Variants in RBKS observed in about 807,000 individuals in gnomAD.
RBKS encodes the protein ribokinase.
RBKS carries 33 observed loss-of-function variants against 33.9 expected under a neutral mutation model. The ratio of observed to expected loss-of-function variants is 0.97; its 90% confidence interval spans 0.74 to 1.30. The LOEUF (loss-of-function observed/expected upper bound fraction) is 1.30, where lower values mean the gene tolerates loss of function less well. RBKS is among the 50% of genes most tolerant of loss of function. The pLI, the probability that RBKS is intolerant of heterozygous loss-of-function variation, is 0.00. For missense variants in RBKS, 361 were observed against 392.6 expected, an observed-to-expected ratio of 0.92 and a Z score of 0.68; for synonymous variants, 125 against 143.0, an observed-to-expected ratio of 0.87 and a Z score of 0.90.
At chr2:27,855,225 T>C (rs1049998642) in intron 2 of RBKS, among the ~76,000 whole-genome samples, 1 of 152,242 alleles carries the variant, frequency 6.6e-6, no homozygotes, top group African/African-American at 2.4e-5. Flanking sequence ...GATAGCTACC[T>C]GTATTAGAGA....
At chr2:27,793,864 GGATGATATT>G (rs989204347) in intron 7 of RBKS, among the ~76,000 whole-genome samples, 15 of 151,994 alleles carry the variant, frequency 9.9e-5, no homozygotes, top group African/African-American at 3.6e-4. Flanking sequence ...ATAGAAAAAA[GGATGATATT>G]GATGTATTTT....
rs541197719 is a variant in RBKS, at chr2:27,824,656, C to T, written c.795+2911G>A. ...ACACTGGGTTCTTTCCAATTTTTGG[C>T]TATTATGAATAATGCTGCTATGAAC... is the stretch of plus-strand genomic sequence containing the variant. On this transcript the variant is annotated intron_variant, in intron 7 of 7. Coordinates refer to ENST00000302188, the MANE Select transcript of RBKS (RefSeq NM_022128.3). Among the ~76,000 whole-genome samples, 13 of 152,286 alleles carry T rather than the reference C, an allele frequency of 8.5e-5. No individual in the cohort carries two copies. In the South Asian group the frequency reaches 2.7e-3, roughly 32 times the overall value.
chr2:27,857,087 A>G (rs1318987543), intron 2 of RBKS, among the ~76,000 whole-genome samples: 1 of 152,256 alleles, frequency 6.6e-6, no homozygotes, highest in Non-Finnish European at 1.5e-5. Context: ...ATTACAGTTT[A>G]CTAGCAGATG....
intron 6 of RBKS, 52 bp downstream of exon 6, chr2:27,832,634 C>G: frequency 1.7e-6 from 2 of 1,173,164 alleles, no homozygotes; most frequent in South Asian, 2.5e-5. Flanking sequence ...GCTTTATCCA[C>G]TTGTACAAAC....
chr2:27,814,548 T>C (rs544748255), intron 7 of RBKS, among the ~76,000 whole-genome samples: 5 of 152,304 alleles, frequency 3.3e-5, no homozygotes, highest in African/African-American at 1.2e-4. Context: ...TACAACTTGA[T>C]CTAAACAATT....
At chr2:27,836,374 C>T (rs140513202) in intron 5 of RBKS, among the ~76,000 whole-genome samples, 110 of 151,994 alleles carry the variant, frequency 7.2e-4, no homozygotes, top group African/African-American at 2.6e-3. Flanking sequence ...TGGCCATGTG[C>T]GACAAAAACA....
intron 7 of RBKS, among the ~76,000 whole-genome samples, chr2:27,787,487 T>C (rs1004629042): frequency 2.0e-5 from 3 of 152,134 alleles, no homozygotes; most frequent in African/African-American, 7.2e-5. Context: ...CTCAAACTCC[T>C]GGGCTCAAGG....
intron 4 of RBKS, among the ~76,000 whole-genome samples, chr2:27,843,727 G>T (rs900764150): frequency 1.3e-5 from 2 of 152,194 alleles, no homozygotes; most frequent in Non-Finnish European, 2.9e-5. Flanking sequence ...CTAACAGATA[G>T]AAAATTGTAT....
In RBKS at chr2:27,795,661, G is replaced by A. The variant is rs1011675618; in HGVS notation, c.796-13873C>T. Among the ~76,000 whole-genome samples the A allele has an allele frequency of 1.3e-5, 2 of 152,148 alleles. No homozygotes were observed. Among genetic ancestry groups the A allele is most frequent in the Non-Finnish European group, 2.9e-5 (2 of 68,036 alleles). On this transcript the variant is annotated intron_variant, in intron 7 of 7. Transcript: ENST00000302188. The surrounding 1 kb of genome is among the most constrained non-coding windows in gnomAD (Gnocchi z 4.1). ...TCATTTGTCCAGAGTCACAGAGCTG[G>A]TAAATGGCAGAGCTGCACTTTGTAC...
At chr2:27,881,965 T>C (rs1416072156) in intron 1 of RBKS, among the ~76,000 whole-genome samples, 2 of 152,212 alleles carry the variant, frequency 1.3e-5, no homozygotes, top group Non-Finnish European at 2.9e-5. Flanking sequence ...ATAAAAACCC[T>C]GGAAGACAAC....
chr2:27,888,133 C>CT lies in RBKS; in HGVS notation c.89+2123dup, dbSNP rs796783582. On this transcript the variant is annotated intron_variant, in intron 1 of 7. Coordinates refer to ENST00000302188, the MANE Select transcript of RBKS (RefSeq NM_022128.3). ...GTATGAGAAAATTTTCTTTTCTTTT[C>CT]TTTTTTTTTTTGAGATGGAGTTTTG... is the stretch of plus-strand genomic sequence containing the variant. 2.8e-3 allele frequency among the ~76,000 whole-genome samples: 402 copies of CT among 145,648 alleles called. 1 individual carries two copies. Among genetic ancestry groups the CT allele is most frequent in the African/African-American group, 8.3e-3 (331 of 39,990 alleles).
intron 7 of RBKS, among the ~76,000 whole-genome samples, chr2:27,786,324 A>T (rs1380955947): frequency 6.6e-6 from 1 of 152,200 alleles, no homozygotes; most frequent in East Asian, 1.9e-4. Flanking sequence ...TAAGAGTATG[A>T]ATAGGTTAGC....
At chr2:27,872,165 A>G (rs1186508747) in intron 1 of RBKS, among the ~76,000 whole-genome samples, 1 of 152,200 alleles carries the variant, frequency 6.6e-6, no homozygotes, top group Non-Finnish European at 1.5e-5. Flanking sequence ...ACAGATCAGT[A>G]CTGGTCTGTG....
At chr2:27,806,225 AC>A (rs1202353317) in intron 7 of RBKS, among the ~76,000 whole-genome samples, 1 of 152,192 alleles carries the variant, frequency 6.6e-6, no homozygotes, top group Non-Finnish European at 1.5e-5. Context: ...TTTTGTAGCT[AC>A]TAGTCAGGCA....
At chr2:27,868,478 T>C (rs1280620202) in intron 1 of RBKS, among the ~76,000 whole-genome samples, 4 of 152,236 alleles carry the variant, frequency 2.6e-5, no homozygotes, top group African/African-American at 9.6e-5. Context: ...AACCACAATA[T>C]GCTACTTTCT....
At chr2:27,874,239 A>C (rs1269259580) in intron 1 of RBKS, among the ~76,000 whole-genome samples, 3 of 152,248 alleles carry the variant, frequency 2.0e-5, no homozygotes, top group African/African-American at 7.2e-5. Flanking sequence ...ACTATGGAAG[A>C]AATTGGAATA....
At chr2:27,788,257 A>G (rs1677440675) in intron 7 of RBKS, among the ~76,000 whole-genome samples, 1 of 152,230 alleles carries the variant, frequency 6.6e-6, no homozygotes, top group Admixed American at 6.5e-5. Flanking sequence ...GGGAAAAAAA[A>G]GAAAGAAAAG....
chr2:27,843,369 G>T (rs1261072392), intron 4 of RBKS, 138 bp from the exon 5 acceptor site: 2 of 575,782 alleles, frequency 3.5e-6, no homozygotes, highest in South Asian at 3.9e-5. Context: ...GCATTTCTAG[G>T]TTATTCAGCT....
chr2:27,883,840 C>A (rs1348082477), intron 1 of RBKS, among the ~76,000 whole-genome samples: 2 of 152,040 alleles, frequency 1.3e-5, no homozygotes, highest in East Asian at 3.9e-4. Context: ...GGATTACAGG[C>A]ATGAGCCACT....
Sources: allele counts gnomAD v4.1 joint callset (sites outside exome capture counted in the v4.1 genomes callset), GRCh38; gene constraint gnomAD v4.1.1; non-coding constraint Gnocchi (gnomAD v3.1); transcripts MANE v1.5; gene names NCBI Gene and HGNC (gene_info 2026-07-23, HGNC 2026-07-21).